The following SLC24A2 variants were observed in gnomAD, a reference collection of about 807,000 sequenced individuals.
SLC24A2 encodes the protein solute carrier family 24 member 2.
In SLC24A2, 36 loss-of-function variants were observed where a neutral mutation model predicts 62.0. That is an observed-to-expected ratio of 0.58 (90% CI 0.44 to 0.77). SLC24A2 has a LOEUF of 0.77. SLC24A2 is among the 30% of genes least tolerant of loss of function. SLC24A2 has a pLI of 0.00. For missense variants in SLC24A2, 846 were observed against 817.9 expected (o/e 1.03, Z -0.42); for synonymous variants, 358 against 294.0 (o/e 1.22, Z -2.23).
At chr9:20,189,702 C>A in the SLC24A2 span, among the ~76,000 whole-genome samples, 1 of 152,304 alleles carries the variant, frequency 6.6e-6, no homozygotes, top group African/African-American at 2.4e-5. Context: ...GCCAGAGAAT[C>A]CCAAATGCTG....
chr9:20,225,304 A>G, the SLC24A2 span, among the ~76,000 whole-genome samples: 1 of 151,648 alleles, frequency 6.6e-6, no homozygotes, highest in African/African-American at 2.4e-5. Flanking sequence ...TGTTGTGGCA[A>G]AAATTCGGCA....
the SLC24A2 span, among the ~76,000 whole-genome samples, chr9:19,852,783 A>C: frequency 6.6e-6 from 1 of 152,064 alleles, no homozygotes; most frequent in African/African-American, 2.4e-5. Flanking sequence ...TTTGCTTAAG[A>C]TTGTCTTGGC....
chr9:20,219,628 C>T, the SLC24A2 span, among the ~76,000 whole-genome samples: 11 of 152,292 alleles, frequency 7.2e-5, no homozygotes, highest in Non-Finnish European at 1.3e-4. Context: ...AGCTCTTCCT[C>T]AGGAAGATCA....
At chr9:19,873,529 T>TTTCC in the SLC24A2 span, among the ~76,000 whole-genome samples, 1 of 146,224 alleles carries the variant, frequency 6.8e-6, no homozygotes, top group Non-Finnish European at 1.5e-5. Context: ...CTCTCCTTCC[T>TTTCC]TTCTTTCTCT....
intron 2 of SLC24A2, among the ~76,000 whole-genome samples, chr9:19,631,995 A>T (rs920137697): frequency 2.6e-5 from 4 of 152,158 alleles, no homozygotes; most frequent in Non-Finnish European, 5.9e-5. Context: ...AGTGGAGAAC[A>T]TGGCAGTAAG....
intron 7 of SLC24A2, among the ~76,000 whole-genome samples, chr9:19,563,709 T>TGTCGCC (rs1563968510): frequency 7.1e-6 from 1 of 140,240 alleles, no homozygotes; most frequent in African/African-American, 3.1e-5. Flanking sequence ...TTACTTCCTT[T>TGTCGCC]TCCAACAATC....
chr9:19,524,205 A>C (rs964516255), intron 9 of SLC24A2, among the ~76,000 whole-genome samples: 3 of 150,862 alleles, frequency 2.0e-5, no homozygotes, highest in Non-Finnish European at 4.4e-5. Context: ...GCTGCTCCCA[A>C]TATTTTGTGA....
chr9:20,188,363 G>T, the SLC24A2 span, among the ~76,000 whole-genome samples: 1 of 152,148 alleles, frequency 6.6e-6, no homozygotes, highest in Middle Eastern at 3.4e-3. Context: ...AAATGGGGTG[G>T]GTCAGGGGCA....
the SLC24A2 span, among the ~76,000 whole-genome samples, chr9:20,002,345 G>A: frequency 6.6e-6 from 1 of 151,144 alleles, no homozygotes; most frequent in Non-Finnish European, 1.5e-5. Context: ...CTACCAAAAG[G>A]CTTACTGCAA....
rs1269462504 is a variant in SLC24A2, at chr9:19,690,979, AAGAC to A, written c.931-68684_931-68681del. Reference sequence around the variant, plus strand: ...AGAGAATGTGTATTGGCAAAAGAAAAAGACAGTGTCACATTCAAACAACAGGTTC... The same window carrying A: ...AGAGAATGTGTATTGGCAAAAGAAAAAGTGTCACATTCAAACAACAGGTTC... On this transcript the variant is annotated intron_variant, in intron 2 of 10. Coordinates refer to ENST00000341998, the MANE Select transcript of SLC24A2 (RefSeq NM_020344.4). Among the ~76,000 whole-genome samples, 6 of 152,204 alleles carry A rather than the reference AAGAC, an allele frequency of 3.9e-5. No homozygotes were observed. The East Asian group carries it at 9.7e-4, about 25-fold the overall frequency.
chr9:20,219,233 T>G, the SLC24A2 span, among the ~76,000 whole-genome samples: 2 of 152,282 alleles, frequency 1.3e-5, no homozygotes, highest in Admixed American at 6.5e-5. Context: ...GCTAGTGAGA[T>G]GAGCTGAGGG....
chr9:19,577,146 C>G, intron 5 of SLC24A2, 124 bp from the exon 6 acceptor site: 1 of 788,402 alleles, frequency 1.3e-6, no homozygotes, highest in South Asian at 1.4e-5. Flanking sequence ...TTCTGTCCAA[C>G]CCCAATGCAC....
At chr9:20,198,528 C>T in the SLC24A2 span, among the ~76,000 whole-genome samples, 1 of 152,206 alleles carries the variant, frequency 6.6e-6, no homozygotes, top group East Asian at 1.9e-4. Context: ...CAGACAGGTC[C>T]AGCAGGCTCA....
At chr9:20,269,855 T>C in the SLC24A2 span, among the ~76,000 whole-genome samples, 1 of 152,198 alleles carries the variant, frequency 6.6e-6, no homozygotes, top group Non-Finnish European at 1.5e-5. Context: ...TGATACCTGG[T>C]CTTAGTCTGT....
intron 3 of SLC24A2, among the ~76,000 whole-genome samples, chr9:19,621,093 G>T (rs529736986): frequency 6.6e-6 from 1 of 152,190 alleles, no homozygotes; most frequent in African/African-American, 2.4e-5. Context: ...TGATTAACTT[G>T]GGCAGTGTTT....
chr9:20,300,347 G>T, the SLC24A2 span, among the ~76,000 whole-genome samples: 1 of 152,122 alleles, frequency 6.6e-6, no homozygotes, highest in African/African-American at 2.4e-5. Context: ...CAAACTTTGT[G>T]ACTTTGAAAA....
the SLC24A2 span, among the ~76,000 whole-genome samples, chr9:20,122,505 G>A: frequency 8.5e-5 from 13 of 152,238 alleles, no homozygotes; most frequent in South Asian, 4.1e-4. Flanking sequence ...TGGCCAACAC[G>A]GTGAAACCCT....
chr9:19,874,100 G>A, the SLC24A2 span, among the ~76,000 whole-genome samples: 1 of 100,338 alleles, frequency 1.0e-5, no homozygotes, highest in Non-Finnish European at 1.8e-5. Context: ...TTTTTTTTGA[G>A]ACAGAGTCTG....
At chr9:19,559,795 C>T (rs1453926571) in intron 7 of SLC24A2, among the ~76,000 whole-genome samples, 1 of 152,200 alleles carries the variant, frequency 6.6e-6, no homozygotes, top group Non-Finnish European at 1.5e-5. Flanking sequence ...GTTATTCTCA[C>T]CTCCATTGTT....
Sources: allele counts gnomAD v4.1 joint callset (sites outside exome capture counted in the v4.1 genomes callset), GRCh38; gene constraint gnomAD v4.1.1; transcripts MANE v1.5; gene names NCBI Gene and HGNC (gene_info 2026-07-23, HGNC 2026-07-21).